PARD3B: variants seen among roughly 807,000 people sequenced by gnomAD.
PARD3B encodes partitioning defective 3 homolog B.
In PARD3B, 103 loss-of-function variants were observed where a neutral mutation model predicts 130.2. That is an observed-to-expected ratio of 0.79 (90% CI 0.67 to 0.93). The LOEUF is 0.93. Ranked by LOEUF, PARD3B falls within the 40% of genes least tolerant of loss-of-function variation. PARD3B has a pLI of 0.00. For missense variants in PARD3B, 1,609 were observed against 1,499.2 expected, an observed-to-expected ratio of 1.07 and a Z score of -1.21; for synonymous variants, 583 against 553.2, an observed-to-expected ratio of 1.05 and a Z score of -0.76.
At chr2:205,431,672 T>C (rs957169828) in intron 19 of PARD3B, among the ~76,000 whole-genome samples, 5 of 152,048 alleles carry the variant, frequency 3.3e-5, no homozygotes, top group African/African-American at 9.7e-5. Flanking sequence ...GGTTTCACTA[T>C]GTTGGCCAGG....
chr2:204,847,156 C>G (rs189355225), intron 2 of PARD3B, among the ~76,000 whole-genome samples: 111 of 147,322 alleles, frequency 7.5e-4, no homozygotes, highest in African/African-American at 2.6e-3. Flanking sequence ...AGCTATTTTT[C>G]TGTAACTTTC....
At chr2:205,516,233 C>T (rs2050787621) in intron 21 of PARD3B, among the ~76,000 whole-genome samples, 2 of 152,038 alleles carry the variant, frequency 1.3e-5, no homozygotes, top group Non-Finnish European at 2.9e-5. Flanking sequence ...TAACATGATA[C>T]CTCCTGCTTT....
chr2:204,750,491 C>T (rs1013700661), intron 2 of PARD3B, among the ~76,000 whole-genome samples: 1 of 152,152 alleles, frequency 6.6e-6, no homozygotes, highest in Non-Finnish European at 1.5e-5. Context: ...GAGGGTGGGG[C>T]TGGAGAATCG....
Position 205,586,121 on chromosome 2 carries a change from C to G in PARD3B, c.3261-29335C>G, listed in dbSNP as rs147917772. ...TGATTTACCCATCTTGACAAATTCTCTGTCTTGGATCTTCACATCCCTTTG... is the reference window on the plus strand; with the variant it reads ...TGATTTACCCATCTTGACAAATTCTGTGTCTTGGATCTTCACATCCCTTTG... On this transcript the variant is annotated intron_variant, in intron 22 of 22. Transcript: ENST00000406610. Among the ~76,000 whole-genome samples, 65 of 152,334 alleles carry G rather than the reference C, an allele frequency of 4.3e-4. No individual in the cohort carries two copies. In the East Asian group the frequency reaches 5.6e-3, roughly 13 times the overall value.
At chr2:205,052,442 TATATATATAA>T (rs1489266332) in intron 4 of PARD3B, among the ~76,000 whole-genome samples, 1,517 of 37,762 alleles carry the variant, frequency 0.04, 36 homozygotes, top group African/African-American at 0.079. Context: ...TATATATATA[TATATATATAA>T]AATTAAAAAA....
chr2:205,118,784 A>G (rs1389072340), intron 6 of PARD3B, 137 bp from the exon 7 acceptor site: 5 of 671,728 alleles, frequency 7.4e-6, no homozygotes, highest in African/African-American at 1.9e-5. Context: ...GATTAAAATA[A>G]CAAACAGTTG....
rs3048088 is a variant in PARD3B at position 205,302,065 on chromosome 2, C to CT, written c.2630+387dup. Reference sequence around the variant, plus strand: ...CTATTCTTTTTTTCTTTTTTCTTTTCTTTTTTTTTTTTTTTTTTTTTTTGA... The same window carrying CT: ...CTATTCTTTTTTTCTTTTTTCTTTTCTTTTTTTTTTTTTTTTTTTTTTTTGA... On this transcript the variant is annotated intron_variant, in intron 18 of 22. Coordinates refer to ENST00000406610, the MANE Select transcript of PARD3B (RefSeq NM_001302769.2). Among the ~76,000 whole-genome samples, 536 of 77,764 alleles carry CT rather than the reference C, an allele frequency of 6.9e-3. 52 individuals are homozygous for CT. The highest frequency in any genetic ancestry group is 0.022 in the African/African-American group (410 of 18,898). The allele number at this position is 77,764 out of a possible 152,430, so 51.0% of individuals were successfully genotyped here.
intron 2 of PARD3B, among the ~76,000 whole-genome samples, chr2:204,881,301 C>T (rs960040837): frequency 6.6e-6 from 1 of 152,042 alleles, no homozygotes; most frequent in African/African-American, 2.4e-5. Context: ...AATTATATTA[C>T]TTAAATCCCT....
chr2:204,608,721 C>A (rs1040398951), intron 1 of PARD3B, among the ~76,000 whole-genome samples: 2 of 152,192 alleles, frequency 1.3e-5, no homozygotes, highest in Admixed American at 6.5e-5. Flanking sequence ...GCAATATCTG[C>A]TGTTACTCCC....
intron 3 of PARD3B, among the ~76,000 whole-genome samples, chr2:205,017,457 A>G (rs1298432856): frequency 6.6e-6 from 1 of 152,050 alleles, no homozygotes; most frequent in Admixed American, 6.6e-5. Flanking sequence ...AAACTCATCT[A>G]TTATAGTTAT....
intron 16 of PARD3B, among the ~76,000 whole-genome samples, chr2:205,266,768 C>G (rs576327906): frequency 8.0e-4 from 122 of 152,152 alleles, no homozygotes; most frequent in African/African-American, 2.8e-3. Flanking sequence ...AATATTTGGT[C>G]TCTGATTCAA....
At chr2:204,908,280 G>A (rs762006515) in intron 2 of PARD3B, among the ~76,000 whole-genome samples, 65 of 152,088 alleles carry the variant, frequency 4.3e-4, no homozygotes, top group Non-Finnish European at 1.3e-4. Context: ...CAGCTAAAAG[G>A]AAATCTAAAT....
rs1256444183 is a variant in PARD3B, at chr2:205,565,447, C to G, written c.3260+12044C>G. On this transcript the variant is annotated intron_variant, in intron 22 of 22. Transcript: ENST00000406610. Reference sequence around the variant, plus strand: ...GCTTTGTCCAACATCAAAATCAGGTCCATATATAAGACAGTTTCTAGCCAG... The same window carrying G: ...GCTTTGTCCAACATCAAAATCAGGTGCATATATAAGACAGTTTCTAGCCAG... 2.0e-5 allele frequency among the ~76,000 whole-genome samples: 3 copies of G among 152,076 alleles called. No homozygotes were observed. In the East Asian group the frequency reaches 5.8e-4, roughly 29 times the overall value.
intron 15 of PARD3B, among the ~76,000 whole-genome samples, chr2:205,197,367 A>G (rs1391699726): frequency 6.6e-6 from 1 of 152,158 alleles, no homozygotes; most frequent in African/African-American, 2.4e-5. Flanking sequence ...CAATGACTCT[A>G]AATTTTTCTC....
chr2:204,580,658 T>C (rs1015409948), intron 1 of PARD3B, among the ~76,000 whole-genome samples: 1 of 152,150 alleles, frequency 6.6e-6, no homozygotes, highest in African/African-American at 2.4e-5. Context: ...CTAGGTGTCA[T>C]TTTGGAGTCC....
Position 205,405,739 on chromosome 2 carries a change from A to G in PARD3B, c.2741+4616A>G, listed in dbSNP as rs554890020. Among the ~76,000 whole-genome samples the G allele has an allele frequency of 2.1e-4, 32 of 152,346 alleles. No individual in the cohort carries two copies. Among genetic ancestry groups the G allele is most frequent in the Admixed American group, 1.7e-3 (26 of 15,290 alleles). On this transcript the variant is annotated intron_variant, in intron 19 of 22. Transcript: ENST00000406610. This position sits in a 1 kb window ranked among gnomAD's most constrained non-coding sequence, Gnocchi z 4.1. Reference sequence around the variant, plus strand: ...TATGTCCGATGACAGAATCAGCAGGAACAATGGACTGAATTAAACGTAAAG... The same window carrying G: ...TATGTCCGATGACAGAATCAGCAGGGACAATGGACTGAATTAAACGTAAAG...
rs187840923 is a variant in PARD3B, at chr2:205,366,100, T to C, written c.2631-34913T>C. Reference sequence around the variant, plus strand: ...TCCATCCATCCGTTTATCCATCCATTCATCCATCCATCCATTATCCATATT... The same window carrying C: ...TCCATCCATCCGTTTATCCATCCATCCATCCATCCATCCATTATCCATATT... On this transcript the variant is annotated intron_variant, in intron 18 of 22. Transcript: ENST00000406610. The surrounding 1 kb of genome is among the most constrained non-coding windows in gnomAD (Gnocchi z 5.0). Among the ~76,000 whole-genome samples, 24 of 152,190 alleles carry C rather than the reference T, an allele frequency of 1.6e-4. 2 individuals carry two copies. The East Asian group carries it at 4.1e-3, about 26-fold the overall frequency.
intron 18 of PARD3B, among the ~76,000 whole-genome samples, chr2:205,358,372 A>G (rs1209934484): frequency 6.6e-6 from 1 of 152,196 alleles, no homozygotes; most frequent in Non-Finnish European, 1.5e-5. Context: ...ACACAAACTC[A>G]TAAAGCGGCT....
rs2034428133 is a variant in PARD3B at position 205,160,219 on chromosome 2, A to G, written c.1620+1312A>G. On this transcript the variant is annotated intron_variant, in intron 11 of 22. Coordinates refer to ENST00000406610, the MANE Select transcript of PARD3B (RefSeq NM_001302769.2). The surrounding 1 kb of genome is among the most constrained non-coding windows in gnomAD (Gnocchi z 4.0). Reference sequence around the variant, plus strand: ...TAAATAGTCATAATTTTTCAGTAATATACACATCAATAAGCCTTTATTTTT... The same window carrying G: ...TAAATAGTCATAATTTTTCAGTAATGTACACATCAATAAGCCTTTATTTTT... Among the ~76,000 whole-genome samples the G allele has an allele frequency of 6.6e-6, 1 of 152,222 alleles. No individual in the cohort carries two copies. Among genetic ancestry groups the G allele is most frequent in the Non-Finnish European group, 1.5e-5 (1 of 68,040 alleles).
Sources: allele counts gnomAD v4.1 joint callset (sites outside exome capture counted in the v4.1 genomes callset), GRCh38; gene constraint gnomAD v4.1.1; non-coding constraint Gnocchi (gnomAD v3.1); transcripts MANE v1.5; gene names NCBI Gene and HGNC (gene_info 2026-07-23, HGNC 2026-07-21).